EXD2: variants seen among roughly 807,000 people sequenced by gnomAD.
The protein encoded by EXD2 is exonuclease 3'-5' domain containing 2, also known as exonuclease 3'-5' domain-containing protein 2.
Under a neutral mutation model 62.5 loss-of-function variants are expected in EXD2, and 40 were observed. That is an observed-to-expected ratio of 0.64 (90% confidence interval 0.50 to 0.83). The LOEUF (loss-of-function observed/expected upper bound fraction) is 0.83, where lower values mean the gene tolerates loss of function less well. Ranked by LOEUF, EXD2 falls within the 40% of genes least tolerant of loss-of-function variation. The pLI is 0.00. For missense variants in EXD2, 671 were observed against 761.8 expected, an observed-to-expected ratio of 0.88 and a Z score of 1.40; for synonymous variants, 239 against 291.9, an observed-to-expected ratio of 0.82 and a Z score of 1.85.
chr14:69,237,535 TAC>T lies in EXD2; in HGVS notation c.1293-37_1293-36del, dbSNP rs1387337134. On this transcript the variant is annotated intron_variant, in intron 8 of 9. Coordinates refer to ENST00000685843, the MANE Select transcript of EXD2 (RefSeq NM_001193360.2). ...TGCTGTCTTCCCATGTGCTCTGTCATACACTTATGAGCGCTGCTTTCCGGCTG... is the reference window on the plus strand; with the variant it reads ...TGCTGTCTTCCCATGTGCTCTGTCATACTTATGAGCGCTGCTTTCCGGCTG... 1.9e-6 allele frequency: 3 copies of T among 1,593,376 alleles called. No individual in the cohort carries two copies. The African/African-American group carries it at 4.0e-5, about 21-fold the overall frequency.
intron 8 of EXD2, 37 bp from the exon 9 acceptor site, chr14:69,237,538 A>G: frequency 6.3e-7 from 1 of 1,597,418 alleles, no homozygotes; most frequent in Non-Finnish European, 8.6e-7. Context: ...TCTGTCATAC[A>G]CTTATGAGCG....
At position 69,209,802 on chromosome 14, in the gene EXD2, G is replaced by T; in HGVS notation, c.332G>T (p.Trp111Leu). 2 of 1,434,464 alleles carry T rather than the reference G, an allele frequency of 1.4e-6. No homozygotes were observed. The highest frequency in any genetic ancestry group is 3.0e-5 in the South Asian group (2 of 65,784). The allele number at this position is 1,434,464 out of a possible 1,614,324, so 88.9% of individuals were successfully genotyped here. ...DFPVLGIDCE[W>L]VNLEGKASPL... Reference sequence around the variant, plus strand: ...CCAGTACTTGGAATTGACTGTGAGTGGGTAAGTTAAAAAGCAAAAGTTAAA... The same window carrying T: ...CCAGTACTTGGAATTGACTGTGAGTTGGTAAGTTAAAAAGCAAAAGTTAAA... Residue 111 changes from tryptophan (W) to leucine (L), a missense_variant and splice_region_variant, in exon 3 of 10, where the codon TGG becomes TTG. Transcript: ENST00000685843.
In EXD2 at chr14:69,235,043, A is replaced by C. The variant is rs2043727616; in HGVS notation, c.1049+12A>C. ...GGCTATTCTGCCAGGTAACTGAATC[A>C]CTCCCTGTCTAGTAAAGAGTCAGTG... On this transcript the variant is annotated intron_variant, in intron 6 of 9. Transcript: ENST00000685843. The C allele has an allele frequency of 1.3e-6, 2 of 1,568,622 alleles. No individual in the cohort carries two copies. The highest frequency in any genetic ancestry group is 3.9e-5 in the Admixed American group (2 of 51,656).
intron 4 of EXD2, 30 bp downstream of exon 4, chr14:69,229,102 A>G (rs757761253): frequency 3.1e-6 from 5 of 1,609,822 alleles, no homozygotes; most frequent in African/African-American, 2.7e-5. Flanking sequence ...TGGGATTCCT[A>G]TAGCTGCGGG....
Position 69,241,211 on chromosome 14 carries a change from C to A in EXD2, c.*111C>A. The A allele has an allele frequency of 1.2e-6, 1 of 823,356 alleles. No homozygotes were observed. Among genetic ancestry groups the A allele is most frequent in the South Asian group, 1.7e-5 (1 of 59,156 alleles). The allele number at this position is 823,356 out of a possible 1,614,324, so 51.0% of individuals were successfully genotyped here. A position where few individuals can be genotyped will look rare whatever the true frequency, so the allele number is the denominator to read the frequency against. ...TTGTCAAAGCCTGTGTGACACAACT[C>A]AGAATACTAACCTAGACTAATCCCA... On this transcript the variant is annotated 3_prime_UTR_variant, in exon 10 of 10. Coordinates refer to ENST00000685843, the MANE Select transcript of EXD2 (RefSeq NM_001193360.2).
In EXD2 at chr14:69,235,545, A is replaced by G. The variant is rs149343506; in HGVS notation, c.1050-501A>G. 4 of 210,444 alleles carry G rather than the reference A, an allele frequency of 1.9e-5. No homozygotes were observed. The South Asian group carries it at 2.3e-4, about 12-fold the overall frequency. The allele number at this position is 210,444 out of a possible 1,614,324, so 13.0% of individuals were successfully genotyped here. The stretch of plus-strand genomic sequence containing the variant: ...TATAACTTATTCCTCTATTGTAGGA[A>G]GATGACTAATAAGTACTTTGGAGCA... On this transcript the variant is annotated intron_variant, in intron 6 of 9. Transcript: ENST00000685843.
At chr14:69,193,162 G>A (rs573244989) in intron 1 of EXD2, among the ~76,000 whole-genome samples, 2 of 151,518 alleles carry the variant, frequency 1.3e-5, no homozygotes, top group African/African-American at 4.8e-5. Flanking sequence ...AGGTTCAAGC[G>A]ATTCTCCTGC....
At chr14:69,229,777 A>G (rs112331448) in intron 4 of EXD2, among the ~76,000 whole-genome samples, 6 of 152,286 alleles carry the variant, frequency 3.9e-5, no homozygotes, top group African/African-American at 1.2e-4. Flanking sequence ...AACAACGTGG[A>G]CTGAAACAGC....
chr14:69,230,003 G>C (rs563924949), intron 4 of EXD2, among the ~76,000 whole-genome samples: 2 of 152,120 alleles, frequency 1.3e-5, no homozygotes, highest in Admixed American at 1.3e-4. Flanking sequence ...AAAACTCTGC[G>C]AAAGTCTATG....
Position 69,212,750 on chromosome 14 carries a change from C to A in EXD2, c.333+2947C>A, listed in dbSNP as rs147976968. On this transcript the variant is annotated intron_variant, in intron 3 of 9. Coordinates refer to ENST00000685843, the MANE Select transcript of EXD2 (RefSeq NM_001193360.2). ...TGAGACAAGATCTTACTCTGTCACCCAGGCTGGAGTGCAGTGGTGGGATTT... is the reference window on the plus strand; with the variant it reads ...TGAGACAAGATCTTACTCTGTCACCAAGGCTGGAGTGCAGTGGTGGGATTT... Among the ~76,000 whole-genome samples, 1,349 of 138,250 alleles carry A rather than the reference C, an allele frequency of 9.8e-3. 14 individuals are homozygous for A. Among genetic ancestry groups the A allele is most frequent in the South Asian group, 0.019 (84 of 4,310 alleles). The allele number at this position is 138,250 out of a possible 152,430, so 90.7% of individuals were successfully genotyped here. A position where few individuals can be genotyped will look rare whatever the true frequency, so the allele number is the denominator to read the frequency against.
chr14:69,215,432 T>C (rs2042958644), intron 3 of EXD2, among the ~76,000 whole-genome samples: 1 of 152,200 alleles, frequency 6.6e-6, no homozygotes. Context: ...TGAGTGGAGT[T>C]CTGGGTCAAG....
In EXD2 at chr14:69,243,560, C is replaced by T. The variant is rs1298362442; in HGVS notation, c.*2460C>T. Reference sequence around the variant, plus strand: ...TGGTTCTACCTTATCCATCCCCACACTGTTGAAAATTTTGGTTGTTTCAGA... The same window carrying T: ...TGGTTCTACCTTATCCATCCCCACATTGTTGAAAATTTTGGTTGTTTCAGA... On this transcript the variant is annotated 3_prime_UTR_variant, in exon 10 of 10. Transcript: ENST00000685843. The T allele has an allele frequency of 6.6e-6, 1 of 152,164 alleles. No individual in the cohort carries two copies. The highest frequency in any genetic ancestry group is 1.5e-5 in the Non-Finnish European group (1 of 68,028). 9.4% of individuals were successfully genotyped at this position (152,164 alleles called of 1,614,324 possible). A position where few individuals can be genotyped will look rare whatever the true frequency, so the allele number is the denominator to read the frequency against.
intron 5 of EXD2, among the ~76,000 whole-genome samples, chr14:69,233,062 T>C (rs145407051): frequency 0.013 from 2,017 of 152,300 alleles, 42 homozygotes; most frequent in African/African-American, 0.047. Context: ...GTGTGTCTTG[T>C]GAGGTAGGGG....
chr14:69,216,846 A>G (rs1156713761), intron 3 of EXD2, among the ~76,000 whole-genome samples: 1 of 152,210 alleles, frequency 6.6e-6, no homozygotes, highest in African/African-American at 2.4e-5. Context: ...AATGATGAGA[A>G]CACTTAACAT....
intron 5 of EXD2, among the ~76,000 whole-genome samples, chr14:69,231,257 C>G (rs1235440237): frequency 6.6e-6 from 1 of 152,138 alleles, no homozygotes; most frequent in Non-Finnish European, 1.5e-5. Flanking sequence ...CTTCTTCCTT[C>G]TTCTCCTCAG....
intron 3 of EXD2, among the ~76,000 whole-genome samples, chr14:69,218,219 T>C (rs2043050512): frequency 6.6e-6 from 1 of 152,210 alleles, no homozygotes; most frequent in African/African-American, 2.4e-5. Context: ...TTTTTAATGA[T>C]CGCCATTCTA....
At chr14:69,226,965 C>A (rs2043386380) in intron 3 of EXD2, among the ~76,000 whole-genome samples, 1 of 152,100 alleles carries the variant, frequency 6.6e-6, no homozygotes, top group African/African-American at 2.4e-5. Context: ...CCCTCCTACT[C>A]CTCCTGTAAG....
intron 3 of EXD2, among the ~76,000 whole-genome samples, chr14:69,220,221 A>G (rs1336033155): frequency 2.2e-5 from 3 of 135,736 alleles, no homozygotes; most frequent in Non-Finnish European, 3.1e-5. Flanking sequence ...AGTCTCAGAC[A>G]CCATCTCTCT....
At chr14:69,206,327 A>T (rs1323030046) in intron 2 of EXD2, among the ~76,000 whole-genome samples, 1 of 150,766 alleles carries the variant, frequency 6.6e-6, no homozygotes, top group African/African-American at 2.5e-5. Flanking sequence ...ATAGGGTGGC[A>T]CTCCCCTGGA....
Sources: gnomAD v4.1 joint callset for allele counts (sites outside exome capture counted in the v4.1 genomes callset) on GRCh38, gnomAD v4.1.1 for gene constraint, MANE v1.5 for transcripts, NCBI Gene and HGNC (gene_info 2026-07-23, HGNC 2026-07-21) for gene names.